KCNIP4: variants seen among roughly 807,000 people sequenced by gnomAD.
The protein encoded by KCNIP4 is potassium voltage-gated channel interacting protein 4, also known as Kv channel-interacting protein 4.
Under a neutral mutation model 34.0 loss-of-function variants are expected in KCNIP4, and 12 were observed. The observed-to-expected ratio is 0.35, with a 90% CI of 0.23 to 0.57. The LOEUF is 0.57. Ranked by LOEUF, KCNIP4 falls within the 20% of genes least tolerant of loss-of-function variation. The pLI, the probability that KCNIP4 is intolerant of heterozygous loss-of-function variation, is 0.83. For missense variants in KCNIP4, 238 were observed against 311.7 expected, an observed-to-expected ratio of 0.76 and a Z score of 1.78; for synonymous variants, 124 against 102.2, an observed-to-expected ratio of 1.21 and a Z score of -1.29.
chr4:21,400,504 C>CA (rs1723410827), intron 1 of KCNIP4, among the ~76,000 whole-genome samples: 1 of 106,530 alleles, frequency 9.4e-6, no homozygotes, highest in Non-Finnish European at 1.7e-5. Context: ...CCTCCCTTCC[C>CA]CTCCCTTCCT....
chr4:21,466,043 C>T (rs1022357243), intron 1 of KCNIP4, among the ~76,000 whole-genome samples: 1 of 152,142 alleles, frequency 6.6e-6, no homozygotes, highest in Non-Finnish European at 1.5e-5. Flanking sequence ...TGGTACTATG[C>T]TTCTGGTGGT....
chr4:21,506,941 A>G (rs1733894657), intron 1 of KCNIP4, among the ~76,000 whole-genome samples: 1 of 151,630 alleles, frequency 6.6e-6, no homozygotes, highest in Admixed American at 6.6e-5. Flanking sequence ...ACAGGTGTGC[A>G]CCACCACATC....
At chr4:20,818,110 G>A (rs765938881) in intron 3 of KCNIP4, among the ~76,000 whole-genome samples, 11 of 152,122 alleles carry the variant, frequency 7.2e-5, no homozygotes, top group Non-Finnish European at 5.9e-5. Flanking sequence ...ATGATGAGTC[G>A]ATTTCTAATG....
intron 1 of KCNIP4, among the ~76,000 whole-genome samples, chr4:21,435,535 T>C (rs1311129646): frequency 1.3e-5 from 2 of 152,164 alleles, no homozygotes; most frequent in African/African-American, 4.8e-5. Flanking sequence ...ATTAACAATA[T>C]CAATAACAGC....
intron 1 of KCNIP4, among the ~76,000 whole-genome samples, chr4:21,603,313 A>C (rs975975079): frequency 6.6e-6 from 1 of 152,174 alleles, no homozygotes; most frequent in Admixed American, 6.6e-5. Flanking sequence ...AGAGATCACT[A>C]AAATTTATTC....
At chr4:21,381,170 A>C (rs1197100342) in intron 1 of KCNIP4, among the ~76,000 whole-genome samples, 1 of 152,156 alleles carries the variant, frequency 6.6e-6, no homozygotes, top group Non-Finnish European at 1.5e-5. Flanking sequence ...ACGAGATGTC[A>C]TTTCTTCCAG....
At chr4:21,025,913 A>G (rs1462537887) in intron 1 of KCNIP4, among the ~76,000 whole-genome samples, 1 of 152,172 alleles carries the variant, frequency 6.6e-6, no homozygotes, top group African/African-American at 2.4e-5. Context: ...GAATTCTTTC[A>G]GTATGCCAGG....
chr4:21,894,675 CTT>C (rs1248788088), intron 1 of KCNIP4, among the ~76,000 whole-genome samples: 3 of 152,172 alleles, frequency 2.0e-5, no homozygotes, highest in African/African-American at 7.2e-5. Flanking sequence ...TATTTTATCA[CTT>C]ATAAATAATT....
chr4:21,152,985 A>G (rs1188006403), intron 1 of KCNIP4, among the ~76,000 whole-genome samples: 1 of 152,178 alleles, frequency 6.6e-6, no homozygotes, highest in East Asian at 1.9e-4. Context: ...AATTTAAAGA[A>G]GTTCTTCATT....
At chr4:21,778,839 C>A (rs1719372866) in intron 1 of KCNIP4, among the ~76,000 whole-genome samples, 1 of 152,114 alleles carries the variant, frequency 6.6e-6, no homozygotes, top group Admixed American at 6.6e-5. Flanking sequence ...CTCCAGGCTA[C>A]CTATGTGCAA....
chr4:21,638,382 CA>C (rs1156778689), intron 1 of KCNIP4, among the ~76,000 whole-genome samples: 1 of 152,180 alleles, frequency 6.6e-6, no homozygotes, highest in Non-Finnish European at 1.5e-5. Context: ...TCTCTGGCTG[CA>C]CTTGGTGCAA....
intron 1 of KCNIP4, among the ~76,000 whole-genome samples, chr4:21,772,588 C>T (rs941406738): frequency 5.9e-5 from 9 of 151,966 alleles, no homozygotes; most frequent in South Asian, 2.1e-4. Context: ...TATTAATTAC[C>T]GCCTCAATTT....
rs531541864 is a variant in KCNIP4, at chr4:21,464,849, T to C, written c.61+483722A>G. 5.3e-5 allele frequency: 8 copies of C among 152,216 alleles called. 1 individual carries two copies. The South Asian group carries it at 1.7e-3, about 32-fold the overall frequency. 9.4% of individuals were successfully genotyped at this position (152,216 alleles called of 1,614,324 possible). On this transcript the variant is annotated intron_variant, in intron 1 of 8. Coordinates refer to ENST00000382152, the MANE Select transcript of KCNIP4 (RefSeq NM_025221.6). ...AGAATTTATTTTTAATTTTAATAAA[T>C]ATATTTCAATGCATCCATCTCACTT... is the stretch of plus-strand genomic sequence containing the variant.
intron 1 of KCNIP4, among the ~76,000 whole-genome samples, chr4:21,898,899 G>C (rs1430769920): frequency 1.3e-5 from 2 of 152,124 alleles, no homozygotes; most frequent in African/African-American, 4.8e-5. Flanking sequence ...CCTGCCCAGG[G>C]CCAGAGGGAA....
intron 1 of KCNIP4, among the ~76,000 whole-genome samples, chr4:21,144,864 T>C (rs1752238123): frequency 6.6e-6 from 1 of 152,280 alleles, no homozygotes; most frequent in Non-Finnish European, 1.5e-5. Flanking sequence ...TTTCTGTTTC[T>C]GCTACTATCA....
intron 1 of KCNIP4, among the ~76,000 whole-genome samples, chr4:21,242,243 G>T (rs1000215716): frequency 6.7e-6 from 1 of 149,506 alleles, no homozygotes; most frequent in South Asian, 2.1e-4. Context: ...AAAGAAATGT[G>T]AAGCATTTCT....
chr4:21,264,022 T>C (rs1220026773), intron 1 of KCNIP4, among the ~76,000 whole-genome samples: 14 of 152,130 alleles, frequency 9.2e-5, no homozygotes, highest in Admixed American at 7.9e-4. Flanking sequence ...ATTGGCTATA[T>C]AGCCATCCAA....
chr4:21,556,994 G>T (rs886226176), intron 1 of KCNIP4, among the ~76,000 whole-genome samples: 1 of 146,790 alleles, frequency 6.8e-6, no homozygotes, highest in Non-Finnish European at 1.5e-5. Context: ...ATATAAAAAT[G>T]TTGTTAAAGA....
chr4:21,450,654 A>G (rs912480484), intron 1 of KCNIP4, among the ~76,000 whole-genome samples: 2 of 152,132 alleles, frequency 1.3e-5, no homozygotes, highest in African/African-American at 4.8e-5. Flanking sequence ...TTGAATTTAG[A>G]CAATCTCGGT....
Sources: allele counts gnomAD v4.1 joint callset (sites outside exome capture counted in the v4.1 genomes callset), GRCh38; gene constraint gnomAD v4.1.1; transcripts MANE v1.5; gene names NCBI Gene and HGNC (gene_info 2026-07-23, HGNC 2026-07-21).